The following LUM variants were observed in gnomAD, a reference collection of about 807,000 sequenced individuals.
LUM encodes the protein KSPG lumican.
Under a neutral mutation model 20.5 loss-of-function variants are expected in LUM, and 13 were observed. The observed-to-expected ratio is 0.63, with a 90% confidence interval of 0.41 to 1.01. LUM has a LOEUF of 1.01. Ranked by LOEUF, LUM falls within the 50% of genes least tolerant of loss-of-function variation. LUM has a pLI of 0.00. For missense variants in LUM, 321 were observed against 391.1 expected, an observed-to-expected ratio of 0.82 and a Z score of 1.51; for synonymous variants, 173 against 151.5, an observed-to-expected ratio of 1.14 and a Z score of -1.04.
chr12:91,109,146 T>G, intron 1 of LUM, 146 bp from the exon 2 acceptor site: 1 of 651,078 alleles, frequency 1.5e-6, no homozygotes, highest in East Asian at 2.8e-5. Flanking sequence ...TCTTTTAAAT[T>G]TTTATTTAGG....
At position 91,108,227 on chromosome 12, in the gene LUM, G is replaced by A. The variant is rs548553673; in HGVS notation, c.753C>T (p.Phe251=). The A allele has an allele frequency of 2.5e-6, 4 of 1,614,094 alleles. No homozygotes were observed. Among genetic ancestry groups the A allele is most frequent in the Admixed American group, 1.7e-5 (1 of 60,028 alleles). ...LADSGIPGNS[F]NVSSLVELDL... ...CCAGCTCAACCAGGGATGACACATT[G>A]AAAGAATTTCCAGGTATTCCACTAT... Residue 251 remains phenylalanine (F), a synonymous_variant, in exon 2 of 3, where the codon TTC becomes TTT. Transcript: ENST00000266718. The surrounding 1 kb of genome is among the most constrained non-coding windows in gnomAD (Gnocchi z 4.2).
intron 1 of LUM, among the ~76,000 whole-genome samples, 165 bp from the exon 2 acceptor site, chr12:91,109,165 C>G (rs1880147892): frequency 6.6e-6 from 1 of 152,122 alleles, no homozygotes; most frequent in African/African-American, 2.4e-5. Context: ...GGTATGAGGA[C>G]AAAGGTGTAT....
chr12:91,105,395 T>C (rs374315529), intron 2 of LUM, among the ~76,000 whole-genome samples: 9 of 152,312 alleles, frequency 5.9e-5, no homozygotes, highest in East Asian at 5.8e-4. Flanking sequence ...TAATGACTAA[T>C]ATCCTTTTGA....
chr12:91,104,038 T>C lies in LUM; in HGVS notation c.*127A>G. 1 of 773,054 alleles carries C rather than the reference T, an allele frequency of 1.3e-6. No individual in the cohort carries two copies. Among genetic ancestry groups the C allele is most frequent in the African/African-American group, 1.8e-5 (1 of 56,730 alleles). 47.9% of individuals were successfully genotyped at this position (773,054 alleles called of 1,614,324 possible). On this transcript the variant is annotated 3_prime_UTR_variant, in exon 3 of 3. Transcript: ENST00000266718. ...TCATCTTTTCTTTAAAAAAAATAAA[T>C]GTTTACAAAACATTTCCCTCAGATT...
chr12:91,103,062 A>C lies in LUM; in HGVS notation c.*1103T>G, dbSNP rs1050494258. The C allele has an allele frequency of 6.6e-6, 1 of 152,154 alleles. No homozygotes were observed. Among genetic ancestry groups the C allele is most frequent in the Admixed American group, 6.6e-5 (1 of 15,266 alleles). 9.4% of individuals were successfully genotyped at this position (152,154 alleles called of 1,614,324 possible). On this transcript the variant is annotated 3_prime_UTR_variant, in exon 3 of 3. Transcript: ENST00000266718. ...ATGCAGAGTATTTATCATTGTATAG[A>C]ATTGTATATACTCATAGAAAGCTGA...
intron 2 of LUM, among the ~76,000 whole-genome samples, chr12:91,105,678 A>T (rs954712195): frequency 1.3e-5 from 2 of 152,310 alleles, no homozygotes; most frequent in South Asian, 4.1e-4. Flanking sequence ...AAGAAAGGAA[A>T]CTATTATGTT....
chr12:91,106,690 TAAAAAAAAAA>T (rs374164456), intron 2 of LUM, among the ~76,000 whole-genome samples: 2 of 90,584 alleles, frequency 2.2e-5, no homozygotes, highest in Non-Finnish European at 3.9e-5. Flanking sequence ...ATTTTTCTTC[TAAAAAAAAAA>T]AAAAAAAAAA....
intron 2 of LUM, among the ~76,000 whole-genome samples, chr12:91,105,443 T>G (rs989541695): frequency 2.6e-5 from 4 of 152,214 alleles, no homozygotes; most frequent in Admixed American, 1.3e-4. Flanking sequence ...ACTAGGAAGA[T>G]CTCTGATTGG....
intron 2 of LUM, among the ~76,000 whole-genome samples, chr12:91,106,847 G>C (rs1346808526): frequency 1.3e-5 from 2 of 151,964 alleles, no homozygotes; most frequent in African/African-American, 4.8e-5. Flanking sequence ...AACATGGTGA[G>C]TCCCAAGTAG....
In LUM at chr12:91,108,424, G is replaced by A; in HGVS notation, c.556C>T (p.Leu186Phe). Residue 186 changes from leucine to phenylalanine, a missense_variant, in exon 2 of 3, where the codon CTC becomes TTC. Coordinates refer to ENST00000266718, the MANE Select transcript of LUM (RefSeq NM_002345.4). The surrounding 1 kb of genome is among the most constrained non-coding windows in gnomAD (Gnocchi z 4.2). ...VSAAFKGLKS[L>F]EYLDLSFNQI... ...TTGAAGCTCAAGTCAAGGTATTCGA[G>A]TGATTTAAGACCTTTAAAAGCAGCT... The A allele has an allele frequency of 6.2e-7, 1 of 1,614,118 alleles. No individual in the cohort carries two copies. Among genetic ancestry groups the A allele is most frequent in the Non-Finnish European group, 8.5e-7 (1 of 1,179,996 alleles).
Position 91,108,002 on chromosome 12 carries a change from A to T in LUM, c.862+116T>A. ...TGCTGGATTTACAGGAATGAGCCAC[A>T]GCGCCCGGGCGACATTTTGTTTTTT... On this transcript the variant is annotated intron_variant, in intron 2 of 2. Coordinates refer to ENST00000266718, the MANE Select transcript of LUM (RefSeq NM_002345.4). This position sits in a 1 kb window ranked among gnomAD's most constrained non-coding sequence, Gnocchi z 4.2. 1.7e-6 allele frequency: 2 copies of T among 1,209,542 alleles called. No homozygotes were observed. The highest frequency in any genetic ancestry group is 3.4e-5 in the Admixed American group (2 of 58,908). The allele number at this position is 1,209,542 out of a possible 1,614,324, so 74.9% of individuals were successfully genotyped here.
Position 91,108,644 on chromosome 12 carries a change from G to A in LUM, c.336C>T (p.Phe112=). The change falls in exon 2 of 3, where the codon TTC becomes TTT. Residue 112 remains phenylalanine (F), a synonymous_variant. Coordinates refer to ENST00000266718, the MANE Select transcript of LUM (RefSeq NM_002345.4). This position sits in a 1 kb window ranked among gnomAD's most constrained non-coding sequence, Gnocchi z 4.2. ...GCTTCTTCAGTTGTTTCAATTTAGAGAAAACTCTCCCTTTTATCTTGGAGT... is the reference window on the plus strand; with the variant it reads ...GCTTCTTCAGTTGTTTCAATTTAGAAAAAACTCTCCCTTTTATCTTGGAGT... ...LENSKIKGRV[F]SKLKQLKKLH... The A allele has an allele frequency of 1.9e-6, 3 of 1,613,986 alleles. No individual in the cohort carries two copies. In the South Asian group the frequency reaches 3.3e-5, roughly 18 times the overall value.
At chr12:91,105,405 A>T (rs904762023) in intron 2 of LUM, among the ~76,000 whole-genome samples, 2 of 152,100 alleles carry the variant, frequency 1.3e-5, no homozygotes, top group African/African-American at 4.8e-5. Flanking sequence ...TATCCTTTTG[A>T]TTTTGCTGTC....
rs1880121636 is a variant in LUM, at chr12:91,108,088, C to T, written c.862+30G>A. The T allele has an allele frequency of 6.2e-7, 1 of 1,612,224 alleles. No individual in the cohort carries two copies. On this transcript the variant is annotated intron_variant, in intron 2 of 2. Coordinates refer to ENST00000266718, the MANE Select transcript of LUM (RefSeq NM_002345.4). This position sits in a 1 kb window ranked among gnomAD's most constrained non-coding sequence, Gnocchi z 4.2. ...CCAGGTATTTAAACACTTGAGCACA[C>T]ATCAAACACAGGAACAGCTTTTTAC...
chr12:91,109,993 A>C (rs1275326349), intron 1 of LUM, among the ~76,000 whole-genome samples: 1 of 152,194 alleles, frequency 6.6e-6, no homozygotes, highest in East Asian at 1.9e-4. Context: ...AATTGAGAAT[A>C]TGAATTTGAA....
In LUM at chr12:91,104,231, T is replaced by C. The variant is rs1802763; in HGVS notation, c.951A>G (p.Ser317=). The stretch of plus-strand genomic sequence containing the variant: ...ACATATCCGGTGGAAGACTGGTTTC[T>C]GAGATGCGATTGCCATCCAAACGCA... ...KHLRLDGNRI[S]ETSLPPDMYE... is the part of the protein sequence containing the mutation. The change falls in exon 3 of 3, where the codon TCA becomes TCG. Residue 317 remains serine, a synonymous_variant. Transcript: ENST00000266718. 1 of 1,612,974 alleles carries C rather than the reference T, an allele frequency of 6.2e-7. No individual in the cohort carries two copies. Among genetic ancestry groups the C allele is most frequent in the East Asian group, 2.2e-5 (1 of 44,810 alleles).
chr12:91,109,001 CTAAA>C lies in LUM; in HGVS notation c.-21-5_-21-2del. 4 of 1,594,050 alleles carry C rather than the reference CTAAA, an allele frequency of 2.5e-6. No homozygotes were observed. In the South Asian group the frequency reaches 4.5e-5, roughly 18 times the overall value. On this transcript the variant is annotated splice_acceptor_variant and splice_polypyrimidine_tract_variant and intron_variant, in intron 1 of 2. Transcript: ENST00000266718. LOFTEE classifies it low-confidence loss of function (5UTR_SPLICE). ...TCATTTTTGGCAAATGGTTTGAATC[CTAAA>C]TAAAGATGAAACATTTATTAATTAA...
chr12:91,103,894 A>T lies in LUM; in HGVS notation c.*271T>A. ...GGCTGATTTCCATGCAACCAGTAAA[A>T]GGTTTTGCACATCATTTGACAGTAG... On this transcript the variant is annotated 3_prime_UTR_variant, in exon 3 of 3. Coordinates refer to ENST00000266718, the MANE Select transcript of LUM (RefSeq NM_002345.4). 1 of 268,994 alleles carries T rather than the reference A, an allele frequency of 3.7e-6. No homozygotes were observed. The highest frequency in any genetic ancestry group is 7.1e-6 in the Non-Finnish European group (1 of 141,768). The allele number at this position is 268,994 out of a possible 1,614,324, so 16.7% of individuals were successfully genotyped here.
In LUM at chr12:91,104,141, A is replaced by T; in HGVS notation, c.*24T>A. The T allele has an allele frequency of 6.3e-7, 1 of 1,591,960 alleles. No individual in the cohort carries two copies. ...TGACACACAGAAAAACATAACCATAAAATATTGTTCCAGGATACAGATATT... is the reference window on the plus strand; with the variant it reads ...TGACACACAGAAAAACATAACCATATAATATTGTTCCAGGATACAGATATT... On this transcript the variant is annotated 3_prime_UTR_variant, in exon 3 of 3. Coordinates refer to ENST00000266718, the MANE Select transcript of LUM (RefSeq NM_002345.4).
Sources: gnomAD v4.1 joint callset for allele counts (sites outside exome capture counted in the v4.1 genomes callset) on GRCh38, gnomAD v4.1.1 for gene constraint, Gnocchi (gnomAD v3.1) non-coding constraint, MANE v1.5 for transcripts, NCBI Gene and HGNC (gene_info 2026-07-23, HGNC 2026-07-21) for gene names.